Variants in ITGBL1 observed in about 807,000 individuals in gnomAD.
The protein encoded by ITGBL1 is integrin beta-like protein 1.
In ITGBL1, 51 loss-of-function variants were observed where a neutral mutation model predicts 68.5. The observed-to-expected ratio is 0.74, with a 90% CI of 0.59 to 0.94. ITGBL1 has a LOEUF of 0.94. Among genes scored for constraint, ITGBL1 ranks in the 40% least tolerant of loss-of-function variants. The pLI is 0.00. For synonymous variants in ITGBL1, 209 were observed against 227.3 expected (o/e 0.92, Z 0.72); for missense variants, 649 against 647.4 (o/e 1.00, Z -0.03).
intron 7 of ITGBL1, among the ~76,000 whole-genome samples, chr13:101,688,043 C>T (rs2139543795): frequency 6.6e-6 from 1 of 151,938 alleles, no homozygotes; most frequent in African/African-American, 2.4e-5. Flanking sequence ...AAAACAATCA[C>T]TGAAATAATA....
intron 7 of ITGBL1, among the ~76,000 whole-genome samples, chr13:101,655,365 G>A (rs956218832): frequency 2.7e-5 from 4 of 150,626 alleles, no homozygotes; most frequent in East Asian, 2.0e-4. Context: ...GTACTGAAAC[G>A]CAAGGTGATA....
At chr13:101,714,325 C>T (rs2034617276) in intron 9 of ITGBL1, 113 bp from the exon 10 acceptor site, 4 of 725,144 alleles carry the variant, frequency 5.5e-6, no homozygotes, top group Admixed American at 4.0e-5. Flanking sequence ...TACACTTTTA[C>T]CTTTGGATGA....
intron 7 of ITGBL1, among the ~76,000 whole-genome samples, chr13:101,684,771 C>T (rs1429309439): frequency 1.3e-5 from 2 of 151,842 alleles, no homozygotes; most frequent in Admixed American, 6.6e-5. Context: ...TTCTCTTATT[C>T]CTAATCCAAA....
chr13:101,573,026 A>G (rs1041476463), intron 3 of ITGBL1, among the ~76,000 whole-genome samples: 1 of 152,120 alleles, frequency 6.6e-6, no homozygotes, highest in African/African-American at 2.4e-5. Context: ...TTAATAGGGT[A>G]TCTCTTCCTG....
chr13:101,692,372 C>A (rs1475478560), intron 7 of ITGBL1, among the ~76,000 whole-genome samples: 1 of 152,152 alleles, frequency 6.6e-6, no homozygotes, highest in Non-Finnish European at 1.5e-5. Context: ...TCTGAGACAG[C>A]AACTGCCACT....
At chr13:101,540,678 G>A (rs183765871) in intron 2 of ITGBL1, among the ~76,000 whole-genome samples, 39 of 152,154 alleles carry the variant, frequency 2.6e-4, no homozygotes, top group African/African-American at 7.7e-4. Context: ...GATTCTTCCT[G>A]TCCATGAGCA....
intron 2 of ITGBL1, among the ~76,000 whole-genome samples, chr13:101,461,664 C>T (rs1313094566): frequency 2.0e-5 from 3 of 152,140 alleles, no homozygotes; most frequent in African/African-American, 4.8e-5. Context: ...CACTGCACTC[C>T]AGCCTAGGTG....
rs1425243609 is a variant in ITGBL1 at position 101,498,607 on chromosome 13, T to C, written c.316+44507T>C. 2.0e-5 allele frequency among the ~76,000 whole-genome samples: 3 copies of C among 152,186 alleles called. No individual in the cohort carries two copies. The East Asian group carries it at 5.8e-4, about 29-fold the overall frequency. ...AGAAAAAATAGGAAGAGGTTAAATGTCATCAAGCATTCAGTTTAAAAAATA... is the reference window on the plus strand; with the variant it reads ...AGAAAAAATAGGAAGAGGTTAAATGCCATCAAGCATTCAGTTTAAAAAATA... On this transcript the variant is annotated intron_variant, in intron 2 of 10. Transcript: ENST00000376180.
intron 7 of ITGBL1, among the ~76,000 whole-genome samples, chr13:101,626,350 A>T (rs570968413): frequency 3.3e-5 from 5 of 152,334 alleles, no homozygotes; most frequent in Non-Finnish European, 5.9e-5. Context: ...GGCACAGAAA[A>T]GAATGAGTTT....
intron 7 of ITGBL1, among the ~76,000 whole-genome samples, chr13:101,642,777 C>T (rs1333866404): frequency 6.6e-6 from 1 of 152,032 alleles, no homozygotes; most frequent in Non-Finnish European, 1.5e-5. Flanking sequence ...CAGCTTTCTA[C>T]ATATGGCTGG....
intron 2 of ITGBL1, among the ~76,000 whole-genome samples, chr13:101,512,745 T>A (rs1445177783): frequency 6.6e-6 from 1 of 152,178 alleles, no homozygotes; most frequent in African/African-American, 2.4e-5. Context: ...TGGATTCTTA[T>A]CTATAATTAC....
intron 7 of ITGBL1, among the ~76,000 whole-genome samples, chr13:101,677,117 CTCTT>C (rs1221887849): frequency 6.6e-6 from 1 of 152,114 alleles, no homozygotes; most frequent in Non-Finnish European, 1.5e-5. Context: ...GAGCGAGACT[CTCTT>C]TCTAAATATA....
intron 2 of ITGBL1, among the ~76,000 whole-genome samples, chr13:101,563,943 A>C (rs1307674214): frequency 6.6e-6 from 1 of 151,922 alleles, no homozygotes; most frequent in South Asian, 2.1e-4. Flanking sequence ...ATATATAAAA[A>C]TATAATACTT....
intron 2 of ITGBL1, among the ~76,000 whole-genome samples, chr13:101,462,918 T>C (rs1468908270): frequency 2.0e-5 from 3 of 152,146 alleles, no homozygotes; most frequent in Non-Finnish European, 4.4e-5. Context: ...ACACTAAGTG[T>C]CTTTCTAAAG....
At chr13:101,588,657 A>G (rs2050599313) in intron 6 of ITGBL1, among the ~76,000 whole-genome samples, 1 of 150,074 alleles carries the variant, frequency 6.7e-6, no homozygotes, top group Non-Finnish European at 1.5e-5. Flanking sequence ...AAGTCTCCTG[A>G]TTTCTTCTTT....
chr13:101,529,220 A>C (rs373453395), intron 2 of ITGBL1, among the ~76,000 whole-genome samples: 6 of 152,100 alleles, frequency 3.9e-5, no homozygotes, highest in Admixed American at 3.3e-4. Context: ...TGAAACGTGG[A>C]ATATGAATAA....
chr13:101,706,279 C>T (rs2034261797), intron 8 of ITGBL1, among the ~76,000 whole-genome samples: 1 of 152,178 alleles, frequency 6.6e-6, no homozygotes, highest in Non-Finnish European at 1.5e-5. Context: ...GAGAGGTATA[C>T]AGATAAACTA....
chr13:101,496,663 C>T (rs1198637136), intron 2 of ITGBL1, among the ~76,000 whole-genome samples: 1 of 152,192 alleles, frequency 6.6e-6, no homozygotes. Context: ...CCATCCTCAA[C>T]TTCCTTCTTG....
chr13:101,701,977 T>C lies in ITGBL1; in HGVS notation c.1133-4779T>C, dbSNP rs557935317. Reference sequence around the variant, plus strand: ...CTACTGAACCATACACTTAAAATGGTTAAGATGGTAAATTTTATGTTATAT... The same window carrying C: ...CTACTGAACCATACACTTAAAATGGCTAAGATGGTAAATTTTATGTTATAT... On this transcript the variant is annotated intron_variant, in intron 8 of 10. Coordinates refer to ENST00000376180, the MANE Select transcript of ITGBL1 (RefSeq NM_004791.3). Among the ~76,000 whole-genome samples, 25 of 152,302 alleles carry C rather than the reference T, an allele frequency of 1.6e-4. No individual in the cohort carries two copies. In the South Asian group the frequency reaches 5.2e-3, roughly 32 times the overall value.
Sources: gnomAD v4.1 joint callset for allele counts (sites outside exome capture counted in the v4.1 genomes callset) on GRCh38, gnomAD v4.1.1 for gene constraint, MANE v1.5 for transcripts, NCBI Gene and HGNC (gene_info 2026-07-23, HGNC 2026-07-21) for gene names.